RAB30: variants seen among roughly 807,000 people sequenced by gnomAD.
The protein encoded by RAB30 is ras-related protein Rab-30.
Under a neutral mutation model 25.1 loss-of-function variants are expected in RAB30, and 9 were observed. The ratio of observed to expected loss-of-function variants is 0.36; its 90% CI spans 0.22 to 0.63. RAB30 has a LOEUF of 0.63. RAB30 is among the 20% of genes least tolerant of loss of function. The probability of loss-of-function intolerance (pLI) is 0.69; values close to 1 mark genes in which losing one functional copy is unlikely to be tolerated. For missense variants in RAB30, 140 were observed against 243.5 expected (o/e 0.58, Z 2.83); for synonymous variants, 77 against 86.4 (o/e 0.89, Z 0.60).
At chr11:83,059,099 T>C (rs79815002) in intron 1 of RAB30, among the ~76,000 whole-genome samples, 1 of 152,162 alleles carries the variant, frequency 6.6e-6, no homozygotes, top group Non-Finnish European at 1.5e-5. Context: ...CATGACACCA[T>C]GCCTGGCTAA....
intron 1 of RAB30, among the ~76,000 whole-genome samples, chr11:83,058,569 T>C (rs1249496596): frequency 4.6e-5 from 7 of 152,268 alleles, no homozygotes. Context: ...TTCTGTATCT[T>C]TGGCAGGAAT....
chr11:82,996,817 G>C (rs1270037481), intron 2 of RAB30, among the ~76,000 whole-genome samples: 2 of 152,220 alleles, frequency 1.3e-5, no homozygotes, highest in Non-Finnish European at 2.9e-5. Context: ...GGCAGAGTTT[G>C]ATTGGTTTAA....
intron 2 of RAB30, among the ~76,000 whole-genome samples, chr11:82,994,473 G>C (rs150103964): frequency 6.6e-6 from 1 of 152,298 alleles, no homozygotes; most frequent in African/African-American, 2.4e-5. Context: ...TAAGATTGAA[G>C]GGCATGCGAC....
chr11:83,027,070 C>T lies in RAB30; in HGVS notation c.-8-29746G>A, dbSNP rs142694401. 5.3e-5 allele frequency among the ~76,000 whole-genome samples: 8 copies of T among 152,214 alleles called. No individual in the cohort carries two copies. In the East Asian group the frequency reaches 1.5e-3, roughly 29 times the overall value. ...GAGTTAGATACCTAGATTCCCCCTC[C>T]TCATTAACAAAACTCCAAAGGCCTG... On this transcript the variant is annotated intron_variant, in intron 1 of 4. Coordinates refer to ENST00000527633, the MANE Select transcript of RAB30 (RefSeq NM_001286060.2).
At chr11:83,065,712 A>G (rs1858679687) in intron 1 of RAB30, among the ~76,000 whole-genome samples, 1 of 152,208 alleles carries the variant, frequency 6.6e-6, no homozygotes, top group Admixed American at 6.5e-5. Context: ...CCCAATAAAT[A>G]AAATGTTTAA....
At chr11:83,023,581 G>A (rs1026284882) in intron 1 of RAB30, among the ~76,000 whole-genome samples, 1 of 152,092 alleles carries the variant, frequency 6.6e-6, no homozygotes, top group Non-Finnish European at 1.5e-5. Context: ...CCAGCTGATG[G>A]CCCTGCCTCA....
At chr11:83,065,075 T>G (rs1858665010) in intron 1 of RAB30, among the ~76,000 whole-genome samples, 1 of 152,162 alleles carries the variant, frequency 6.6e-6, no homozygotes, top group Non-Finnish European at 1.5e-5. Flanking sequence ...ATTTGTCTGA[T>G]TATTTATTTA....
chr11:83,069,507 A>C (rs1241390060), intron 1 of RAB30, among the ~76,000 whole-genome samples: 1 of 152,204 alleles, frequency 6.6e-6, no homozygotes, highest in Non-Finnish European at 1.5e-5. Flanking sequence ...TTGTCCTCCA[A>C]GTATCTTCAA....
chr11:83,069,857 C>T (rs1858791820), intron 1 of RAB30, among the ~76,000 whole-genome samples: 1 of 152,148 alleles, frequency 6.6e-6, no homozygotes, highest in Admixed American at 6.5e-5. Context: ...GGGTCAGGCT[C>T]ATTGCTGCTC....
intron 1 of RAB30, among the ~76,000 whole-genome samples, chr11:83,068,552 A>G (rs1565295263): frequency 2.0e-5 from 3 of 152,260 alleles, no homozygotes; most frequent in Non-Finnish European, 4.4e-5. Context: ...ATAAAGACCA[A>G]AATACACCTG....
intron 1 of RAB30, among the ~76,000 whole-genome samples, chr11:83,048,372 T>C (rs1241940255): frequency 6.6e-6 from 1 of 150,736 alleles, no homozygotes; most frequent in African/African-American, 2.5e-5. Flanking sequence ...CCCAGGAGGC[T>C]GAGGTGGGAG....
intron 3 of RAB30, among the ~76,000 whole-genome samples, chr11:82,989,330 G>A (rs1326483086): frequency 5.9e-5 from 9 of 152,170 alleles, no homozygotes; most frequent in Non-Finnish European, 1.3e-4. Context: ...GTCACCCTCT[G>A]CTCATACTAG....
At chr11:83,060,869 G>T (rs1359900700) in intron 1 of RAB30, among the ~76,000 whole-genome samples, 1 of 152,196 alleles carries the variant, frequency 6.6e-6, no homozygotes, top group Non-Finnish European at 1.5e-5. Context: ...GCACCATTCA[G>T]TCTGCTGGGG....
At chr11:82,987,348 C>T in intron 4 of RAB30, 1 of 333,080 alleles carries the variant, frequency 3.0e-6, no homozygotes, top group Non-Finnish European at 5.3e-6. Context: ...CATGGCCATC[C>T]AACTTCTTCC....
intron 1 of RAB30, among the ~76,000 whole-genome samples, chr11:83,049,710 C>A (rs1858316156): frequency 6.6e-6 from 1 of 151,820 alleles, no homozygotes; most frequent in African/African-American, 2.4e-5. Context: ...GGAACATGTG[C>A]CTTTTGAAGG....
chr11:83,065,489 G>A (rs1262221242), intron 1 of RAB30, among the ~76,000 whole-genome samples: 1 of 152,122 alleles, frequency 6.6e-6, no homozygotes, highest in Non-Finnish European at 1.5e-5. Flanking sequence ...TTGAACTCCT[G>A]GGCTCAAGTA....
chr11:82,987,315 T>G (rs1856756755), intron 4 of RAB30: 1 of 259,750 alleles, frequency 3.8e-6, no homozygotes, highest in African/African-American at 2.2e-5. Flanking sequence ...ACTTTTTAAA[T>G]TTTTAGCAGC....
chr11:83,070,990 A>C (rs1392787213), intron 1 of RAB30, among the ~76,000 whole-genome samples: 3 of 152,260 alleles, frequency 2.0e-5, no homozygotes, highest in Non-Finnish European at 4.4e-5. Context: ...TGTCGGCTCC[A>C]CTTCCAAACA....
intron 1 of RAB30, among the ~76,000 whole-genome samples, chr11:83,027,520 A>G (rs1857752222): frequency 6.6e-6 from 1 of 152,176 alleles, no homozygotes; most frequent in African/African-American, 2.4e-5. Flanking sequence ...CCCAACAAAC[A>G]GCCCATCCAG....
Sources: gnomAD v4.1 joint callset for allele counts (sites outside exome capture counted in the v4.1 genomes callset) on GRCh38, gnomAD v4.1.1 for gene constraint, MANE v1.5 for transcripts, NCBI Gene and HGNC (gene_info 2026-07-23, HGNC 2026-07-21) for gene names.